The following COL4A2 variants were observed in gnomAD, a reference collection of about 807,000 sequenced individuals.
The protein encoded by COL4A2 is collagen type IV alpha 2 chain, also known as collagen alpha-2(IV) chain.
COL4A2 carries 99 observed loss-of-function variants against 200.2 expected under a neutral mutation model. That is an observed-to-expected ratio of 0.49 (90% confidence interval 0.42 to 0.58). The LOEUF (loss-of-function observed/expected upper bound fraction) is 0.58. Among genes scored for constraint, COL4A2 ranks in the 20% least tolerant of loss-of-function variants. The probability of loss-of-function intolerance (pLI) is 0.00; values close to 1 mark genes in which losing one functional copy is unlikely to be tolerated. For missense variants in COL4A2, 1,950 were observed against 2,314.1 expected, an observed-to-expected ratio of 0.84 and a Z score of 3.23; for synonymous variants, 897 against 900.6, an observed-to-expected ratio of 1.00 and a Z score of 0.07.
intron 20 of COL4A2, among the ~76,000 whole-genome samples, chr13:110,451,323 A>C (rs1195756484): frequency 6.6e-6 from 1 of 152,246 alleles, no homozygotes; most frequent in Non-Finnish European, 1.5e-5. Context: ...AATACAGCCC[A>C]ACAAAATTCA....
rs1339099809 is a variant in COL4A2 at position 110,481,756 on chromosome 13, ACAGTT to A, written c.2759-758_2759-754del. Among the ~76,000 whole-genome samples, 50 of 25,580 alleles carry A rather than the reference ACAGTT, an allele frequency of 2.0e-3. 5 individuals carry two copies. The highest frequency in any genetic ancestry group is 6.7e-3 in the African/African-American group (43 of 6,416). 16.8% of individuals were successfully genotyped at this position (25,580 alleles called of 152,430 possible). ...TCTGTCCCTCCGTTGCTGGAGACAC[ACAGTT>A]CTGTCCCTCCATTGCTGGAGACACA... is the stretch of plus-strand genomic sequence containing the variant. On this transcript the variant is annotated intron_variant, in intron 31 of 47. Coordinates refer to ENST00000360467, the MANE Select transcript of COL4A2 (RefSeq NM_001846.4).
At chr13:110,468,076 A>T (rs1377230222) in intron 27 of COL4A2, 1 of 450,306 alleles carries the variant, frequency 2.2e-6, no homozygotes, top group East Asian at 7.1e-5. Flanking sequence ...GCTTCCCGTG[A>T]TAAACTGTAG....
At chr13:110,425,719 C>G (rs1250041688) in intron 6 of COL4A2, among the ~76,000 whole-genome samples, 6 of 152,176 alleles carry the variant, frequency 3.9e-5, no homozygotes, top group Non-Finnish European at 5.9e-5. Context: ...TGTGTGTGCC[C>G]GTGTCCTGCA....
intron 18 of COL4A2, among the ~76,000 whole-genome samples, chr13:110,449,028 C>A (rs1203579625): frequency 6.7e-6 from 1 of 149,544 alleles, no homozygotes; most frequent in African/African-American, 2.5e-5. Flanking sequence ...GTCCCTTGCA[C>A]GTGGGACTTC....
chr13:110,492,558 G>A lies in COL4A2; in HGVS notation c.3562+381G>A, dbSNP rs186894029. On this transcript the variant is annotated intron_variant, in intron 38 of 47. Transcript: ENST00000360467. Reference sequence around the variant, plus strand: ...ACCCCCGGGGCCTCCTTACAGCCCCGAGACGGGCCACCCTGCCATGCTCAC... The same window carrying A: ...ACCCCCGGGGCCTCCTTACAGCCCCAAGACGGGCCACCCTGCCATGCTCAC... 1.3e-3 allele frequency among the ~76,000 whole-genome samples: 194 copies of A among 152,314 alleles called. 1 individual carries two copies. Among genetic ancestry groups the A allele is most frequent in the African/African-American group, 4.4e-3 (185 of 41,576 alleles).
chr13:110,424,702 T>C, intron 4 of COL4A2, 32 bp from the exon 5 acceptor site: 1 of 1,494,570 alleles, frequency 6.7e-7, no homozygotes, highest in Non-Finnish European at 9.2e-7. Context: ...TTGTGATTAA[T>C]CGTGGAAATT....
At chr13:110,417,718 A>G (rs770555418) in intron 4 of COL4A2, among the ~76,000 whole-genome samples, 24 of 152,214 alleles carry the variant, frequency 1.6e-4, no homozygotes, top group Non-Finnish European at 2.8e-4. Context: ...GACAGTAAGT[A>G]GCATTTTGTG....
intron 3 of COL4A2, among the ~76,000 whole-genome samples, chr13:110,320,093 G>A (rs1885238549): frequency 6.6e-6 from 1 of 152,230 alleles, no homozygotes. Context: ...TCAGCTGTCT[G>A]CCTTGGCTTT....
intron 20 of COL4A2, among the ~76,000 whole-genome samples, chr13:110,451,845 A>G (rs1881548349): frequency 6.6e-6 from 1 of 152,216 alleles, no homozygotes; most frequent in Non-Finnish European, 1.5e-5. Flanking sequence ...AAAAAATTGG[A>G]CACTCCTGCT....
chr13:110,501,622 G>A lies in COL4A2; in HGVS notation c.3761-46G>A, dbSNP rs1275606728. On this transcript the variant is annotated intron_variant, in intron 40 of 47. Coordinates refer to ENST00000360467, the MANE Select transcript of COL4A2 (RefSeq NM_001846.4). Reference sequence around the variant, plus strand: ...GGAGGGAAAATAGTAGATTTGAAAAGTTGGGTGCTAACGCTGAAAATAATT... The same window carrying A: ...GGAGGGAAAATAGTAGATTTGAAAAATTGGGTGCTAACGCTGAAAATAATT... 2.7e-6 allele frequency: 4 copies of A among 1,505,144 alleles called. No individual in the cohort carries two copies. In the Admixed American group the frequency reaches 5.0e-5, roughly 19 times the overall value. The allele number at this position is 1,505,144 out of a possible 1,614,324, so 93.2% of individuals were successfully genotyped here.
chr13:110,319,218 T>C (rs78683487), intron 3 of COL4A2, among the ~76,000 whole-genome samples: 5,595 of 152,236 alleles, frequency 0.037, 134 homozygotes, highest in Middle Eastern at 0.099. Flanking sequence ...CTGGTGGAGA[T>C]GCGCCTTCCT....
At position 110,462,139 on chromosome 13, in the gene COL4A2, C is replaced by T. The variant is rs747768096; in HGVS notation, c.1622C>T (p.Pro541Leu). The change falls in exon 23 of 48, where the codon CCC becomes CTC. Residue 541 changes from proline (P) to leucine (L), a missense_variant. By Grantham distance (98) the Pro-to-Leu change is moderately conservative. Transcript: ENST00000360467. ...GGAGTGCCTGGCAACATTGGTGCTC[C>T]CGGACCCAAAGGAGCAAAAGGAGAT... ...LKGVPGNIGAPGPKGAKGDSR... is the reference protein window; with the variant it reads ...LKGVPGNIGALGPKGAKGDSR... The T allele has an allele frequency of 2.0e-5, 33 of 1,614,248 alleles. No homozygotes were observed. The highest frequency in any genetic ancestry group is 2.7e-5 in the Non-Finnish European group (32 of 1,180,052).
chr13:110,447,012 C>T, intron 18 of COL4A2, 148 bp downstream of exon 18: 1 of 511,938 alleles, frequency 2.0e-6, no homozygotes, highest in East Asian at 3.5e-5. Flanking sequence ...AAAAATAAAC[C>T]ACGAAATTTA....
At chr13:110,480,191 C>G (rs759544931) in intron 30 of COL4A2, 29 bp from the exon 31 acceptor site, 16 of 1,564,030 alleles carry the variant, frequency 1.0e-5, no homozygotes, top group South Asian at 9.6e-5. Context: ...GTTTGTCCAC[C>G]CTGTTTGATT....
chr13:110,313,077 C>A (rs528630064), intron 3 of COL4A2, among the ~76,000 whole-genome samples: 1 of 152,118 alleles, frequency 6.6e-6, no homozygotes, highest in East Asian at 1.9e-4. Context: ...ACCAGGATAT[C>A]GCTTAGAAAT....
chr13:110,403,165 G>T (rs887750814), intron 4 of COL4A2, among the ~76,000 whole-genome samples: 3 of 152,128 alleles, frequency 2.0e-5, no homozygotes, highest in African/African-American at 7.2e-5. Flanking sequence ...TCAAATGTTT[G>T]CTTGGCTACA....
At chr13:110,421,283 C>G (rs1880241400) in intron 4 of COL4A2, among the ~76,000 whole-genome samples, 1 of 152,200 alleles carries the variant, frequency 6.6e-6, no homozygotes, top group South Asian at 2.1e-4. Flanking sequence ...AGAACAGAGA[C>G]TCAAGTAGTC....
chr13:110,506,343 C>A, intron 45 of COL4A2, 72 bp from the exon 46 acceptor site: 1 of 1,466,788 alleles, frequency 6.8e-7, no homozygotes, highest in Non-Finnish European at 9.2e-7. Context: ...GTGCACCAGG[C>A]CGTCCACTCT....
chr13:110,430,884 C>T, intron 10 of COL4A2: 1 of 646,140 alleles, frequency 1.5e-6, no homozygotes, highest in Non-Finnish European at 2.9e-6. Context: ...ATCCCCACCC[C>T]ATACCTACCC....
Sources: gnomAD v4.1 joint callset for allele counts (sites outside exome capture counted in the v4.1 genomes callset) on GRCh38, gnomAD v4.1.1 for gene constraint, MANE v1.5 for transcripts, NCBI Gene and HGNC (gene_info 2026-07-23, HGNC 2026-07-21) for gene names.